JMJD1C: variants seen among roughly 807,000 people sequenced by gnomAD.
JMJD1C encodes the protein jumonji domain containing 1C, also known as jumonji domain-containing protein 1C.
A neutral mutation model predicts 245.3 loss-of-function variants in JMJD1C; 31 were observed. That is an observed-to-expected ratio of 0.13 (90% CI 0.09 to 0.17). The LOEUF is 0.17. JMJD1C is among the 10% of genes least tolerant of loss of function. The pLI, the probability that JMJD1C is intolerant of heterozygous loss-of-function variation, is 1.00. For synonymous variants in JMJD1C, 1,057 were observed against 1,017.4 expected (o/e 1.04, Z -0.74); for missense variants, 2,691 against 3,000.2 (o/e 0.90, Z 2.41).
At chr10:63,271,941 G>A (rs1180143946) in intron 2 of JMJD1C, among the ~76,000 whole-genome samples, 1 of 151,780 alleles carries the variant, frequency 6.6e-6, no homozygotes, top group African/African-American at 2.4e-5. Context: ...AGGGCATGGT[G>A]GCGTACCTGT....
Position 63,294,258 on chromosome 10 carries a change from T to G in JMJD1C, c.334-29494A>C, listed in dbSNP as rs562883701. Among the ~76,000 whole-genome samples, 1,402 of 152,108 alleles carry G rather than the reference T, an allele frequency of 9.2e-3. 9 individuals are homozygous for G. Among genetic ancestry groups the G allele is most frequent in the Non-Finnish European group, 0.016 (1,081 of 67,982 alleles). On this transcript the variant is annotated intron_variant, in intron 2 of 25. Transcript: ENST00000399262. ...CTCGTCTAATTTAGCTCAAGATGTTTCCCTTTATCTGTTCAGTTCAATCTT... is the reference window on the plus strand; with the variant it reads ...CTCGTCTAATTTAGCTCAAGATGTTGCCCTTTATCTGTTCAGTTCAATCTT...
intron 1 of JMJD1C, among the ~76,000 whole-genome samples, chr10:63,473,653 G>A (rs990858479): frequency 6.6e-6 from 1 of 152,136 alleles, no homozygotes; most frequent in Admixed American, 6.6e-5. Flanking sequence ...TGAACTTATT[G>A]TTGTAAAGCT....
At chr10:63,231,064 T>G (rs544560849) in intron 3 of JMJD1C, among the ~76,000 whole-genome samples, 6 of 152,188 alleles carry the variant, frequency 3.9e-5, no homozygotes, top group Middle Eastern at 3.2e-3. Flanking sequence ...AACCTCTTGA[T>G]TCTCTGTATA....
intron 1 of JMJD1C, among the ~76,000 whole-genome samples, chr10:63,509,174 T>C (rs754047981): frequency 9.8e-5 from 15 of 152,352 alleles, no homozygotes; most frequent in Non-Finnish European, 2.1e-4. Flanking sequence ...TCTGAATCTA[T>C]TGACACAACC....
chr10:63,456,629 C>T (rs1377056284), intron 1 of JMJD1C, among the ~76,000 whole-genome samples: 1 of 152,100 alleles, frequency 6.6e-6, no homozygotes, highest in African/African-American at 2.4e-5. Context: ...GTCACACAGA[C>T]CTCTTCTAGC....
At chr10:63,312,997 ATGAG>A (rs958017772) in intron 2 of JMJD1C, among the ~76,000 whole-genome samples, 26 of 152,224 alleles carry the variant, frequency 1.7e-4, no homozygotes, top group Admixed American at 1.4e-3. Context: ...TTTTGGATAC[ATGAG>A]TAAGTTCTTT....
intron 22 of JMJD1C, among the ~76,000 whole-genome samples, chr10:63,180,330 T>C (rs138278456): frequency 5.3e-5 from 8 of 152,148 alleles, no homozygotes; most frequent in Admixed American, 2.6e-4. Context: ...AAGTGTTTAC[T>C]ATGTGCGAGG....
At chr10:63,444,939 G>C (rs1951617229) in intron 1 of JMJD1C, among the ~76,000 whole-genome samples, 1 of 152,080 alleles carries the variant, frequency 6.6e-6, no homozygotes, top group Non-Finnish European at 1.5e-5. Flanking sequence ...AGAAATAAGA[G>C]ACAAGGGCCA....
At chr10:63,222,634 A>T in intron 3 of JMJD1C, 1 of 1,565,452 alleles carries the variant, frequency 6.4e-7, no homozygotes, top group Non-Finnish European at 8.8e-7. Flanking sequence ...TTTTGGACAT[A>T]ATTAAAAGAA....
At chr10:63,521,265 C>T (rs1017726781) in intron 1 of JMJD1C, 5 of 150,794 alleles carry the variant, frequency 3.3e-5, no homozygotes, top group African/African-American at 1.2e-4. Context: ...TGGCCCGGGC[C>T]AACGCGCCGC....
At chr10:63,313,037 C>T (rs973919658) in intron 2 of JMJD1C, among the ~76,000 whole-genome samples, 3 of 152,048 alleles carry the variant, frequency 2.0e-5, no homozygotes, top group Non-Finnish European at 2.9e-5. Flanking sequence ...GATTTTGGTG[C>T]ACTCACTACA....
chr10:63,467,384 G>A (rs953781660), upstream of JMJD1C, among the ~76,000 whole-genome samples: 2 of 152,160 alleles, frequency 1.3e-5, no homozygotes, highest in African/African-American at 4.8e-5. Flanking sequence ...GGTGGAGCAT[G>A]CCTGTAATCC....
At chr10:63,307,914 C>G (rs1938503678) in intron 2 of JMJD1C, among the ~76,000 whole-genome samples, 1 of 152,080 alleles carries the variant, frequency 6.6e-6, no homozygotes, top group Non-Finnish European at 1.5e-5. Flanking sequence ...CTTCGGGAAG[C>G]TGAGGCAGGC....
In JMJD1C at chr10:63,385,046, TG is replaced by T. The variant is rs1464374786; in HGVS notation, c.169-4565del. On this transcript the variant is annotated intron_variant, in intron 1 of 25. Transcript: ENST00000399262. ...TACAGGCAACTATAGGATTATTAAT[TG>T]GATTAATTTCAATATTATTGTGTCT... is the stretch of plus-strand genomic sequence containing the variant. 3.3e-5 allele frequency among the ~76,000 whole-genome samples: 5 copies of T among 152,278 alleles called. No homozygotes were observed. In the East Asian group the frequency reaches 7.7e-4, roughly 24 times the overall value.
Position 63,271,900 on chromosome 10 carries a change from C to A in JMJD1C, c.334-7136G>T, listed in dbSNP as rs200787521. ...GACCAGCCTGGCCATCATGGCAAAC[C>A]CCGTTTGTACTAAAAATACAAAAAT... is the stretch of plus-strand genomic sequence containing the variant. On this transcript the variant is annotated intron_variant, in intron 2 of 25. Transcript: ENST00000399262. Among the ~76,000 whole-genome samples, 74 of 151,920 alleles carry A rather than the reference C, an allele frequency of 4.9e-4. No homozygotes were observed. In the East Asian group the frequency reaches 0.013, roughly 27 times the overall value.
intron 1 of JMJD1C, among the ~76,000 whole-genome samples, chr10:63,425,974 A>C (rs74368888): frequency 0.037 from 5,599 of 152,340 alleles, 328 homozygotes; most frequent in East Asian, 0.28. Flanking sequence ...ATACACAGGC[A>C]TAAGTTTAAA....
At chr10:63,298,750 T>TA (rs1270490097) in intron 2 of JMJD1C, among the ~76,000 whole-genome samples, 1 of 152,202 alleles carries the variant, frequency 6.6e-6, no homozygotes, top group Non-Finnish European at 1.5e-5. Context: ...TCTTTTTTTT[T>TA]AGACGGAGTT....
chr10:63,489,312 A>T (rs1954095537), intron 1 of JMJD1C: 1 of 152,444 alleles, frequency 6.6e-6, no homozygotes, highest in African/African-American at 2.4e-5. Context: ...AGGCAGGAGA[A>T]TCACTTGAAC....
intron 2 of JMJD1C, among the ~76,000 whole-genome samples, chr10:63,270,803 G>A (rs1856204523): frequency 6.6e-6 from 1 of 152,108 alleles, no homozygotes; most frequent in South Asian, 2.1e-4. Context: ...GGAGACTTAC[G>A]TGATGATATG....
Sources: gnomAD v4.1 joint callset for allele counts (sites outside exome capture counted in the v4.1 genomes callset) on GRCh38, gnomAD v4.1.1 for gene constraint, MANE v1.5 for transcripts, NCBI Gene and HGNC (gene_info 2026-07-23, HGNC 2026-07-21) for gene names.